The following FRMD4A variants were observed in gnomAD, a reference collection of about 807,000 sequenced individuals.
FRMD4A encodes FERM domain containing 4A.
Under a neutral mutation model 129.1 loss-of-function variants are expected in FRMD4A, and 29 were observed. The observed-to-expected ratio is 0.22, with a 90% CI of 0.17 to 0.31. FRMD4A has a LOEUF of 0.31. FRMD4A is among the 10% of genes least tolerant of loss of function. The pLI, the probability that FRMD4A is intolerant of heterozygous loss-of-function variation, is 1.00. For synonymous variants in FRMD4A, 634 were observed against 571.6 expected, an observed-to-expected ratio of 1.11 and a Z score of -1.56; for missense variants, 1,272 against 1,375.8, an observed-to-expected ratio of 0.92 and a Z score of 1.19.
In FRMD4A at chr10:14,120,908, C is replaced by G. The variant is rs372856508; in HGVS notation, c.45+209150G>C. On this transcript the variant is annotated intron_variant, in intron 2 of 24. Transcript: ENST00000357447. Reference sequence around the variant, plus strand: ...ACTGAGGTGTGGGCATCTTGGCTGGCTGTCAGAGAGCAGCTTTGCTCTCCT... The same window carrying G: ...ACTGAGGTGTGGGCATCTTGGCTGGGTGTCAGAGAGCAGCTTTGCTCTCCT... Among the ~76,000 whole-genome samples the G allele has an allele frequency of 2.0e-5, 3 of 152,228 alleles. No individual in the cohort carries two copies. In the South Asian group the frequency reaches 6.2e-4, roughly 32 times the overall value.
chr10:13,998,874 A>C (rs2095632216), intron 2 of FRMD4A, among the ~76,000 whole-genome samples: 1 of 152,294 alleles, frequency 6.6e-6, no homozygotes, highest in African/African-American at 2.4e-5. Context: ...AGCTAACGTC[A>C]TCTTTCAGCC....
At chr10:14,073,514 C>T (rs1490794925) in intron 2 of FRMD4A, among the ~76,000 whole-genome samples, 1 of 152,116 alleles carries the variant, frequency 6.6e-6, no homozygotes, top group Non-Finnish European at 1.5e-5. Flanking sequence ...CCTGGATATA[C>T]CCTCCCAAAG....
At chr10:14,253,213 A>T (rs1392645710) in intron 2 of FRMD4A, among the ~76,000 whole-genome samples, 1 of 152,234 alleles carries the variant, frequency 6.6e-6, no homozygotes, top group Non-Finnish European at 1.5e-5. Context: ...CAAGGTTAGC[A>T]CCGCTGAAGA....
intron 2 of FRMD4A, among the ~76,000 whole-genome samples, chr10:13,907,428 C>T (rs1439391227): frequency 6.6e-6 from 1 of 152,246 alleles, no homozygotes; most frequent in African/African-American, 2.4e-5. Context: ...AAGTAACTTG[C>T]CAAAAGTCTA....
At chr10:13,974,487 T>C (rs2095533888) in intron 2 of FRMD4A, among the ~76,000 whole-genome samples, 1 of 152,126 alleles carries the variant, frequency 6.6e-6, no homozygotes, top group African/African-American at 2.4e-5. Context: ...TGGTCCTGTA[T>C]CTTCAATCAT....
chr10:13,650,957 G>A (rs899933804), intron 24 of FRMD4A: 2 of 152,200 alleles, frequency 1.3e-5, no homozygotes, highest in African/African-American at 4.8e-5. Flanking sequence ...AAGTCTTAGA[G>A]CACTTAATAC....
intron 2 of FRMD4A, among the ~76,000 whole-genome samples, chr10:14,277,228 A>G (rs542014246): frequency 5.6e-4 from 86 of 152,308 alleles, no homozygotes; most frequent in African/African-American, 1.9e-3. Context: ...AACAGGAACA[A>G]AGGTTCAAAT....
intron 2 of FRMD4A, among the ~76,000 whole-genome samples, chr10:13,888,840 T>C (rs999444030): frequency 2.0e-5 from 3 of 152,268 alleles, no homozygotes; most frequent in African/African-American, 7.2e-5. Flanking sequence ...AGCATGTCTA[T>C]TTCTCATTTT....
intron 14 of FRMD4A, among the ~76,000 whole-genome samples, chr10:13,696,052 C>T (rs997125195): frequency 2.0e-5 from 3 of 152,170 alleles, no homozygotes; most frequent in African/African-American, 7.2e-5. Context: ...TCCTCCCTAC[C>T]CCGTGGGCCT....
intron 2 of FRMD4A, among the ~76,000 whole-genome samples, chr10:14,230,331 G>A (rs1375405474): frequency 6.6e-6 from 1 of 152,182 alleles, no homozygotes; most frequent in East Asian, 1.9e-4. Context: ...TGGGTTTGAG[G>A]TTCAACTCCA....
chr10:13,820,992 G>A (rs907806189), intron 3 of FRMD4A, among the ~76,000 whole-genome samples: 1 of 152,228 alleles, frequency 6.6e-6, no homozygotes, highest in Non-Finnish European at 1.5e-5. Flanking sequence ...GGGAAGGAGC[G>A]CAGCTTTGAA....
intron 2 of FRMD4A, among the ~76,000 whole-genome samples, chr10:14,050,916 C>A (rs140937639): frequency 2.6e-5 from 4 of 152,176 alleles, no homozygotes; most frequent in African/African-American, 9.7e-5. Context: ...TCCCTGAGTT[C>A]TGCAAGTCAT....
At chr10:13,684,884 A>C (rs899110688) in intron 15 of FRMD4A, 2 of 984,828 alleles carry the variant, frequency 2.0e-6, no homozygotes, top group East Asian at 2.3e-4. Context: ...AAAAAAAAAA[A>C]AATGAAGAAG....
rs74729502 is a variant in FRMD4A at position 14,124,198 on chromosome 10, A to G, written c.45+205860T>C. Among the ~76,000 whole-genome samples, 1,056 of 152,298 alleles carry G rather than the reference A, an allele frequency of 6.9e-3. 31 individuals are homozygous for G. In the East Asian group the frequency reaches 0.096, roughly 14 times the overall value. ...TCCAACCAGATCAGAGTCAGGAGAC[A>G]CAAGTTTTAATTCCAGCTTTCTCAA... On this transcript the variant is annotated intron_variant, in intron 2 of 24. Coordinates refer to ENST00000357447, the MANE Select transcript of FRMD4A (RefSeq NM_018027.5).
intron 2 of FRMD4A, among the ~76,000 whole-genome samples, chr10:14,297,262 A>C (rs552422407): frequency 2.0e-5 from 3 of 152,174 alleles, no homozygotes; most frequent in African/African-American, 7.2e-5. Context: ...GGCACATGAC[A>C]GTCAGGTCAT....
intron 2 of FRMD4A, among the ~76,000 whole-genome samples, chr10:14,279,159 T>G (rs968099951): frequency 6.6e-6 from 1 of 150,738 alleles, no homozygotes; most frequent in Non-Finnish European, 1.5e-5. Flanking sequence ...CAAAGTAAAC[T>G]ATGCCCCTGA....
rs975457504 is a variant in FRMD4A at position 14,221,849 on chromosome 10, G to A, written c.45+108209C>T. On this transcript the variant is annotated intron_variant, in intron 2 of 24. Coordinates refer to ENST00000357447, the MANE Select transcript of FRMD4A (RefSeq NM_018027.5). ...GGGTTACAGATGTGAGTCACAATGC[G>A]CCGCCAGTGATTTTGTTTCTGAACC... Among the ~76,000 whole-genome samples, 14 of 152,146 alleles carry A rather than the reference G, an allele frequency of 9.2e-5. No homozygotes were observed. In the East Asian group the frequency reaches 1.2e-3, roughly 13 times the overall value.
At chr10:14,145,333 G>A (rs567789357) in intron 2 of FRMD4A, among the ~76,000 whole-genome samples, 4 of 152,274 alleles carry the variant, frequency 2.6e-5, no homozygotes, top group African/African-American at 4.8e-5. Flanking sequence ...TCAAGATAAT[G>A]TATACAATTA....
chr10:13,943,008 G>T (rs570466334), intron 2 of FRMD4A, among the ~76,000 whole-genome samples: 1 of 152,242 alleles, frequency 6.6e-6, no homozygotes, highest in African/African-American at 2.4e-5. Context: ...CTTGTGGTTT[G>T]TTTCATGAAA....
Sources: gnomAD v4.1 joint callset for allele counts (sites outside exome capture counted in the v4.1 genomes callset) on GRCh38, gnomAD v4.1.1 for gene constraint, MANE v1.5 for transcripts, NCBI Gene and HGNC (gene_info 2026-07-23, HGNC 2026-07-21) for gene names.